CDH18: variants seen among roughly 807,000 people sequenced by gnomAD.
CDH18 encodes cadherin-18.
Under a neutral mutation model 67.9 loss-of-function variants are expected in CDH18, and 31 were observed. That is an observed-to-expected ratio of 0.46 (90% CI 0.34 to 0.62). CDH18 has a LOEUF of 0.62. Among genes scored for constraint, CDH18 ranks in the 20% least tolerant of loss-of-function variants. The pLI, the probability that CDH18 is intolerant of heterozygous loss-of-function variation, is 0.01. For missense variants in CDH18, 890 were observed against 975.5 expected (o/e 0.91, Z 1.17); for synonymous variants, 362 against 347.2 (o/e 1.04, Z -0.48).
chr5:20,113,485 A>G (rs574097318), intron 2 of CDH18, among the ~76,000 whole-genome samples: 1 of 152,178 alleles, frequency 6.6e-6, no homozygotes, highest in Non-Finnish European at 1.5e-5. Context: ...TGGCAGATTG[A>G]TTGCATTCTC....
At chr5:20,032,462 A>C (rs1656927670) in intron 2 of CDH18, among the ~76,000 whole-genome samples, 1 of 152,022 alleles carries the variant, frequency 6.6e-6, no homozygotes. Flanking sequence ...AAATAGTAAT[A>C]ATATATATGA....
At chr5:20,443,233 T>TAAAAAAAAAAAAAAAA (rs1749764879) in intron 1 of CDH18, among the ~76,000 whole-genome samples, 1 of 116,154 alleles carries the variant, frequency 8.6e-6, no homozygotes, top group Non-Finnish European at 1.8e-5. Flanking sequence ...AAAAAAAAAG[T>TAAAAAAAAAAAAAAAA]ATATCTTTTG....
At chr5:20,291,977 C>T (rs1747137707) in intron 1 of CDH18, among the ~76,000 whole-genome samples, 1 of 152,144 alleles carries the variant, frequency 6.6e-6, no homozygotes, top group Non-Finnish European at 1.5e-5. Flanking sequence ...TTCCTAGCCT[C>T]TCCTCTGTCA....
chr5:20,544,224 C>G (rs914086300), intron 1 of CDH18, among the ~76,000 whole-genome samples: 10 of 151,896 alleles, frequency 6.6e-5, no homozygotes, highest in African/African-American at 2.4e-4. Flanking sequence ...GAAATATTCA[C>G]AAGCATACCT....
intron 2 of CDH18, among the ~76,000 whole-genome samples, chr5:19,869,499 T>TA (rs1785978295): frequency 6.6e-6 from 1 of 152,048 alleles, no homozygotes; most frequent in African/African-American, 2.4e-5. Context: ...AATGAGTTGG[T>TA]TTTTATTTTC....
At chr5:20,234,072 A>G (rs905193131) in intron 2 of CDH18, among the ~76,000 whole-genome samples, 16 of 152,132 alleles carry the variant, frequency 1.1e-4, no homozygotes, top group African/African-American at 3.9e-4. Flanking sequence ...TATAAGAGAA[A>G]TGGGGAGAAA....
At chr5:20,231,400 A>G (rs895286433) in intron 2 of CDH18, among the ~76,000 whole-genome samples, 1 of 152,054 alleles carries the variant, frequency 6.6e-6, no homozygotes, top group Non-Finnish European at 1.5e-5. Flanking sequence ...ACCTGAGGTC[A>G]GGAGTTCGAG....
At position 20,293,859 on chromosome 5, in the gene CDH18, C is replaced by T. The variant is rs185377490; in HGVS notation, c.-579-38354G>A. ...CCACAGGAAACATTAAAACCTGAAA[C>T]GAGTGTAAACAGGATAGAGGTGTAA... On this transcript the variant is annotated intron_variant, in intron 1 of 14. Coordinates refer to the CDH18 transcript ENST00000507958. Among the ~76,000 whole-genome samples the T allele has an allele frequency of 6.6e-5, 10 of 152,124 alleles. No homozygotes were observed. The East Asian group carries it at 1.2e-3, about 18-fold the overall frequency.
rs996048968 is a variant in CDH18 at position 20,367,241 on chromosome 5, G to T, written c.-579-111736C>A. On this transcript the variant is annotated intron_variant, in intron 1 of 14. Transcript: ENST00000507958. Reference sequence around the variant, plus strand: ...GGTTAGATTCCCAGGAAAAGTGTAGGCCTTTAGTAATGCCCCACGGGAAAA... The same window carrying T: ...GGTTAGATTCCCAGGAAAAGTGTAGTCCTTTAGTAATGCCCCACGGGAAAA... Among the ~76,000 whole-genome samples the T allele has an allele frequency of 2.6e-5, 4 of 152,202 alleles. No individual in the cohort carries two copies. The South Asian group carries it at 8.3e-4, about 32-fold the overall frequency.
At position 20,316,899 on chromosome 5, in the gene CDH18, A is replaced by G. The variant is rs534119060; in HGVS notation, c.-579-61394T>C. Among the ~76,000 whole-genome samples, 82 of 152,036 alleles carry G rather than the reference A, an allele frequency of 5.4e-4. 1 individual carries two copies. Among genetic ancestry groups the G allele is most frequent in the Non-Finnish European group, 8.2e-4 (56 of 67,936 alleles). ...CCATATGTTCATTACTGGATATTTT[A>G]TGCACTCAATTGTATTTCCTATTCA... is the stretch of plus-strand genomic sequence containing the variant. On this transcript the variant is annotated intron_variant, in intron 1 of 14. Transcript: ENST00000507958.
intron 2 of CDH18, among the ~76,000 whole-genome samples, chr5:19,867,097 A>C (rs1164143708): frequency 6.6e-6 from 1 of 152,170 alleles, no homozygotes; most frequent in Non-Finnish European, 1.5e-5. Context: ...TCAAAAATAA[A>C]TGAATAAATA....
chr5:20,208,455 C>A (rs936189836), intron 2 of CDH18, among the ~76,000 whole-genome samples: 2 of 150,626 alleles, frequency 1.3e-5, no homozygotes, highest in African/African-American at 4.9e-5. Context: ...CATATCACAA[C>A]AATATACAAT....
chr5:19,473,411 G>A lies in CDH18; in HGVS notation c.2188C>T (p.Pro730Ser). Residue 730 changes from proline (P) to serine (S), a missense_variant, in exon 13 of 13, where the codon CCC (proline) becomes TCC (serine). This residue lies in a region of CDH18 where 656 missense variants were observed against 668.1 expected (regional missense o/e 0.98). Coordinates refer to ENST00000382275, the MANE Select transcript of CDH18 (RefSeq NM_004934.5). ...LAEADLDPSV[P>S]PYDSLQTYAY... The stretch of plus-strand genomic sequence containing the variant: ...TAAGTCTGAAGAGAGTCATAAGGGG[G>A]AACGCTAGGGTCTAGGTCTGCTTCT... 1 of 1,613,726 alleles carries A rather than the reference G, an allele frequency of 6.2e-7. No individual in the cohort carries two copies. Among genetic ancestry groups the A allele is most frequent in the South Asian group, 1.1e-5 (1 of 91,076 alleles).
intron 2 of CDH18, among the ~76,000 whole-genome samples, chr5:19,853,038 G>GCCT (rs542499419): frequency 7.9e-5 from 12 of 152,204 alleles, no homozygotes; most frequent in Non-Finnish European, 1.2e-4. Flanking sequence ...TACTTGCAAT[G>GCCT]CCTCCTCCAG....
intron 2 of CDH18, among the ~76,000 whole-genome samples, chr5:19,995,210 A>G (rs1281872729): frequency 6.6e-6 from 1 of 152,118 alleles, no homozygotes; most frequent in East Asian, 1.9e-4. Context: ...TTTACCAGCT[A>G]TCTAAGCATC....
chr5:20,503,738 G>T lies in CDH18; in HGVS notation c.-580+71724C>A, dbSNP rs142763263. ...GAAAACACATTTTGACATGTGCATA[G>T]GCAAGAGAAAGAGTTATGGCCAGGT... On this transcript the variant is annotated intron_variant, in intron 1 of 14. Transcript: ENST00000507958. Among the ~76,000 whole-genome samples, 483 of 152,200 alleles carry T rather than the reference G, an allele frequency of 3.2e-3. 3 individuals are homozygous for T. The highest frequency in any genetic ancestry group is 0.011 in the African/African-American group (455 of 41,546).
intron 1 of CDH18, among the ~76,000 whole-genome samples, chr5:20,459,656 T>C (rs963587345): frequency 6.6e-6 from 1 of 152,136 alleles, no homozygotes; most frequent in African/African-American, 2.4e-5. Flanking sequence ...ATGTTTTCCA[T>C]AGGCAGAAAT....
chr5:20,038,212 C>T (rs773724376), intron 2 of CDH18, among the ~76,000 whole-genome samples: 3 of 151,994 alleles, frequency 2.0e-5, no homozygotes, highest in Non-Finnish European at 4.4e-5. Context: ...TAATGAATAG[C>T]CTACAAACCA....
intron 2 of CDH18, among the ~76,000 whole-genome samples, chr5:19,962,378 C>CAAAAAAAAAAAAAAAAAAAAAAAAA (rs3065078): frequency 3.9e-5 from 2 of 51,594 alleles, no homozygotes; most frequent in East Asian, 5.5e-4. Flanking sequence ...CGTCAAAAAG[C>CAAAAAAAAAAAAAAAAAAAAAAAAA]AAAAAAAAAA....
Sources: allele counts gnomAD v4.1 joint callset (sites outside exome capture counted in the v4.1 genomes callset), GRCh38; gene constraint gnomAD v4.1.1; regional missense constraint gnomAD v4.1.1; transcripts MANE v1.5; gene names NCBI Gene and HGNC (gene_info 2026-07-23, HGNC 2026-07-21).